SLC24A2: variants seen among roughly 807,000 people sequenced by gnomAD.
SLC24A2 encodes the protein solute carrier family 24 member 2.
Under a neutral mutation model 62.0 loss-of-function variants are expected in SLC24A2, and 36 were observed. The ratio of observed to expected loss-of-function variants is 0.58; its 90% confidence interval spans 0.44 to 0.77. SLC24A2 has a LOEUF of 0.77. Among genes scored for constraint, SLC24A2 ranks in the 30% least tolerant of loss-of-function variants. The pLI is 0.00. For synonymous variants in SLC24A2, 358 were observed against 294.0 expected (o/e 1.22, Z -2.23); for missense variants, 846 against 817.9 (o/e 1.03, Z -0.42).
the SLC24A2 span, among the ~76,000 whole-genome samples, chr9:20,180,535 A>G: frequency 6.6e-5 from 10 of 152,174 alleles, no homozygotes; most frequent in Non-Finnish European, 1.0e-4. Flanking sequence ...CTTTCCTACT[A>G]CTTTTGAAAA....
At position 19,576,847 on chromosome 9, in the gene SLC24A2, G is replaced by A. The variant is rs560081467; in HGVS notation, c.1228+77C>T. 8.4e-5 allele frequency: 87 copies of A among 1,036,300 alleles called. No homozygotes were observed. The African/African-American group carries it at 1.3e-3, about 15-fold the overall frequency. The allele number at this position is 1,036,300 out of a possible 1,614,324, so 64.2% of individuals were successfully genotyped here. A position where few individuals can be genotyped will look rare whatever the true frequency, so the allele number is the denominator to read the frequency against. ...TGTGTGTCTGCACTGAGTCAGGGGT[G>A]CCCACACTGGTCCTGACTCTCTGCT... On this transcript the variant is annotated intron_variant, in intron 6 of 10. Coordinates refer to ENST00000341998, the MANE Select transcript of SLC24A2 (RefSeq NM_020344.4).
At chr9:20,271,766 G>T in the SLC24A2 span, among the ~76,000 whole-genome samples, 4 of 152,118 alleles carry the variant, frequency 2.6e-5, no homozygotes, top group Non-Finnish European at 5.9e-5. Flanking sequence ...TTAAAGAAAG[G>T]TTTGAATGAG....
chr9:20,026,357 G>C, the SLC24A2 span, among the ~76,000 whole-genome samples: 1 of 152,184 alleles, frequency 6.6e-6, no homozygotes, highest in African/African-American at 2.4e-5. Context: ...ATAAGACAAT[G>C]ATCATAAAAT....
At chr9:19,723,966 G>C (rs1308469465) in intron 2 of SLC24A2, among the ~76,000 whole-genome samples, 1 of 151,690 alleles carries the variant, frequency 6.6e-6, no homozygotes, top group African/African-American at 2.4e-5. Flanking sequence ...ACATTTGTTG[G>C]AATGCATTTA....
the SLC24A2 span, among the ~76,000 whole-genome samples, chr9:19,860,831 A>G: frequency 1.3e-5 from 2 of 152,308 alleles, no homozygotes; most frequent in South Asian, 4.1e-4. Flanking sequence ...CCGAGGTGGC[A>G]GTGGCCTGAA....
At chr9:20,101,987 G>A in the SLC24A2 span, among the ~76,000 whole-genome samples, 4 of 152,144 alleles carry the variant, frequency 2.6e-5, no homozygotes, top group African/African-American at 9.7e-5. Context: ...GTTCCTAGGA[G>A]CCTCCTTTAT....
At chr9:19,857,057 G>T in the SLC24A2 span, among the ~76,000 whole-genome samples, 1 of 152,172 alleles carries the variant, frequency 6.6e-6, no homozygotes, top group Non-Finnish European at 1.5e-5. Flanking sequence ...TACAGTTGTG[G>T]AAGTACAAAG....
chr9:20,004,719 T>A, the SLC24A2 span, among the ~76,000 whole-genome samples: 1 of 152,194 alleles, frequency 6.6e-6, no homozygotes, highest in African/African-American at 2.4e-5. Context: ...ATATATCTTG[T>A]CTCATTAAAT....
At chr9:19,760,525 A>AC (rs769947604) in intron 2 of SLC24A2, among the ~76,000 whole-genome samples, 283 of 149,178 alleles carry the variant, frequency 1.9e-3, no homozygotes, top group Non-Finnish European at 3.7e-3. Context: ...CTTGTCCCTG[A>AC]CCCCCCCAAC....
the SLC24A2 span, among the ~76,000 whole-genome samples, chr9:19,885,656 A>G: frequency 6.6e-6 from 1 of 152,086 alleles, no homozygotes; most frequent in Non-Finnish European, 1.5e-5. Context: ...ATACAGGTAA[A>G]CTGTGTGTCA....
the SLC24A2 span, among the ~76,000 whole-genome samples, chr9:20,253,980 G>A: frequency 6.6e-6 from 1 of 152,148 alleles, no homozygotes; most frequent in African/African-American, 2.4e-5. Flanking sequence ...GGAAGAGAGG[G>A]AATATGAGGT....
the SLC24A2 span, among the ~76,000 whole-genome samples, chr9:19,943,376 T>A: frequency 6.6e-6 from 1 of 152,136 alleles, no homozygotes; most frequent in Non-Finnish European, 1.5e-5. Context: ...ATTCTACTAT[T>A]CTAGCGATCT....
intron 2 of SLC24A2, among the ~76,000 whole-genome samples, chr9:19,642,693 T>TAACA (rs1818534214): frequency 2.8e-5 from 4 of 141,836 alleles, no homozygotes; most frequent in African/African-American, 1.1e-4. Flanking sequence ...TTTTTTTTTT[T>TAACA]TTTTTGAGAC....
the SLC24A2 span, among the ~76,000 whole-genome samples, chr9:19,809,146 AT>A: frequency 2.2e-4 from 33 of 151,896 alleles, no homozygotes; most frequent in African/African-American, 6.5e-4. Context: ...TATAACTTTA[AT>A]TTTTTTTATA....
the SLC24A2 span, among the ~76,000 whole-genome samples, chr9:20,187,827 T>A: frequency 0.16 from 23,743 of 152,122 alleles, 2,339 homozygotes; most frequent in African/African-American, 0.28. Flanking sequence ...CCCTTGCTAC[T>A]CAAAGTGTTA....
At chr9:20,259,901 C>A in the SLC24A2 span, among the ~76,000 whole-genome samples, 1 of 152,082 alleles carries the variant, frequency 6.6e-6, no homozygotes, top group Non-Finnish European at 1.5e-5. Context: ...CCAGCCTGGG[C>A]AACATGGCAA....
the SLC24A2 span, among the ~76,000 whole-genome samples, chr9:20,109,369 G>T: frequency 1.3e-5 from 2 of 152,136 alleles, no homozygotes; most frequent in African/African-American, 4.8e-5. Flanking sequence ...TGGCATCTAG[G>T]GACTTGAATT....
chr9:20,208,483 A>G, the SLC24A2 span, among the ~76,000 whole-genome samples: 1 of 152,258 alleles, frequency 6.6e-6, no homozygotes, highest in Non-Finnish European at 1.5e-5. Context: ...TGTTTCCTCA[A>G]GTAACTACTG....
intron 8 of SLC24A2, among the ~76,000 whole-genome samples, chr9:19,541,505 A>C (rs997087820): frequency 1.4e-5 from 2 of 146,720 alleles, no homozygotes; most frequent in Non-Finnish European, 3.0e-5. Flanking sequence ...GGTGCCTCCC[A>C]GTTAGGCTGC....
Sources: gnomAD v4.1 joint callset for allele counts (sites outside exome capture counted in the v4.1 genomes callset) on GRCh38, gnomAD v4.1.1 for gene constraint, MANE v1.5 for transcripts, NCBI Gene and HGNC (gene_info 2026-07-23, HGNC 2026-07-21) for gene names.